The following ROBO2 variants were observed in gnomAD, a reference collection of about 807,000 sequenced individuals.
The protein encoded by ROBO2 is roundabout guidance receptor 2.
In ROBO2, 53 loss-of-function variants were observed where a neutral mutation model predicts 160.8. The ratio of observed to expected loss-of-function variants is 0.33; its 90% CI spans 0.26 to 0.41. ROBO2 has a LOEUF of 0.41. Among genes scored for constraint, ROBO2 ranks in the 10% least tolerant of loss-of-function variants. The pLI is 1.00. For synonymous variants in ROBO2, 664 were observed against 611.7 expected (o/e 1.09, Z -1.26); for missense variants, 1,577 against 1,722.4 (o/e 0.92, Z 1.49).
At chr3:76,885,481 TA>T (rs2073784633) in intron 2 of ROBO2, among the ~76,000 whole-genome samples, 1 of 152,216 alleles carries the variant, frequency 6.6e-6, no homozygotes, top group African/African-American at 2.4e-5. Flanking sequence ...TTATACGTTT[TA>T]TCATAATTTA....
At chr3:76,962,845 T>C (rs573683683) in intron 2 of ROBO2, among the ~76,000 whole-genome samples, 1 of 152,228 alleles carries the variant, frequency 6.6e-6, no homozygotes, top group Non-Finnish European at 1.5e-5. Context: ...GTAAAATGCA[T>C]TCTCTAGTCC....
At chr3:76,447,918 G>A (rs2109226233) in intron 2 of ROBO2, among the ~76,000 whole-genome samples, 1 of 149,170 alleles carries the variant, frequency 6.7e-6, no homozygotes, top group Non-Finnish European at 1.5e-5. Flanking sequence ...GGGAGGGATA[G>A]CATTAGGAGA....
intron 2 of ROBO2, among the ~76,000 whole-genome samples, chr3:75,992,598 G>A (rs1231823643): frequency 6.6e-6 from 1 of 152,156 alleles, no homozygotes; most frequent in Non-Finnish European, 1.5e-5. Context: ...TGGAGTTGGA[G>A]CCCCCACAGA....
chr3:77,291,158 G>C (rs1261314582), intron 2 of ROBO2, among the ~76,000 whole-genome samples: 2 of 150,596 alleles, frequency 1.3e-5, no homozygotes, highest in Non-Finnish European at 2.9e-5. Flanking sequence ...TAAACGGGAA[G>C]TTGAGGCTAG....
At chr3:77,013,730 T>C (rs2062055580) in intron 2 of ROBO2, among the ~76,000 whole-genome samples, 1 of 152,222 alleles carries the variant, frequency 6.6e-6, no homozygotes, top group African/African-American at 2.4e-5. Context: ...ACTATGAGTA[T>C]GCAAAACTAT....
intron 6 of ROBO2, among the ~76,000 whole-genome samples, chr3:77,539,860 G>T (rs1291829404): frequency 6.6e-6 from 1 of 152,154 alleles, no homozygotes. Context: ...GTCAGAGATT[G>T]TTCAGGTTAA....
At chr3:77,568,893 G>A (rs542507759) in intron 13 of ROBO2, among the ~76,000 whole-genome samples, 30 of 152,002 alleles carry the variant, frequency 2.0e-4, no homozygotes, top group South Asian at 8.3e-4. Context: ...TTTTATATGA[G>A]TACAATTGTG....
chr3:76,791,468 T>TTC (rs916954093), intron 2 of ROBO2, among the ~76,000 whole-genome samples: 4 of 148,806 alleles, frequency 2.7e-5, no homozygotes, highest in Admixed American at 1.3e-4. Flanking sequence ...TCTCTCTCTT[T>TTC]TCTCTCTCTC....
intron 2 of ROBO2, among the ~76,000 whole-genome samples, chr3:76,644,334 T>G (rs2090857597): frequency 6.6e-6 from 1 of 152,088 alleles, no homozygotes; most frequent in South Asian, 2.1e-4. Context: ...TAAAAAAGCC[T>G]ATAAACAAAC....
At chr3:76,725,153 A>G (rs2093530553) in intron 2 of ROBO2, among the ~76,000 whole-genome samples, 1 of 152,166 alleles carries the variant, frequency 6.6e-6, no homozygotes, top group South Asian at 2.1e-4. Flanking sequence ...TAGCGCCCAG[A>G]AGGCACTAAG....
At chr3:77,163,314 T>C (rs1023084797) in intron 2 of ROBO2, among the ~76,000 whole-genome samples, 3 of 152,236 alleles carry the variant, frequency 2.0e-5, no homozygotes, top group African/African-American at 4.8e-5. Context: ...AATCTATACA[T>C]AGATTTTACA....
At chr3:77,193,332 G>T (rs2150959154) in intron 2 of ROBO2, among the ~76,000 whole-genome samples, 1 of 152,002 alleles carries the variant, frequency 6.6e-6, no homozygotes, top group African/African-American at 2.4e-5. Context: ...CCAGGTTGTA[G>T]TGCAGTGGCT....
In ROBO2 at chr3:76,424,662, C is replaced by A. The variant is rs78784371; in HGVS notation, c.109+487060C>A. Among the ~76,000 whole-genome samples, 1,405 of 152,156 alleles carry A rather than the reference C, an allele frequency of 9.2e-3. 23 individuals are homozygous for A. The highest frequency in any genetic ancestry group is 0.032 in the African/African-American group (1,332 of 41,496). ...TTAGATCGTATATTAAGTGCTTTTA[C>A]CAGAAAAGTTAAAAAAGTAGGAGAG... On this transcript the variant is annotated intron_variant, in intron 2 of 26. Coordinates refer to the ROBO2 transcript ENST00000487694.
In ROBO2 at chr3:77,007,731, T is replaced by C. The variant is rs539444884; in HGVS notation, c.110-90283T>C. 2.0e-5 allele frequency among the ~76,000 whole-genome samples: 3 copies of C among 152,270 alleles called. No individual in the cohort carries two copies. The East Asian group carries it at 5.8e-4, about 29-fold the overall frequency. On this transcript the variant is annotated intron_variant, in intron 2 of 26. Transcript: ENST00000487694. ...TGTTTTCTGTTATTGAAAAGAATCC[T>C]GAAGTATCTCTGTACAAACATCTTT...
intron 2 of ROBO2, among the ~76,000 whole-genome samples, chr3:76,088,267 C>T (rs777644221): frequency 5.3e-5 from 8 of 152,040 alleles, no homozygotes; most frequent in Non-Finnish European, 1.0e-4. Context: ...CGTAAATCTA[C>T]TCTTATAATT....
intron 2 of ROBO2, among the ~76,000 whole-genome samples, chr3:76,561,931 A>G (rs1044837695): frequency 6.6e-6 from 1 of 152,108 alleles, no homozygotes; most frequent in African/African-American, 2.4e-5. Flanking sequence ...TCAGGACAAC[A>G]TGCATCCTTT....
intron 2 of ROBO2, among the ~76,000 whole-genome samples, chr3:76,150,351 ATCTG>A (rs139775825): frequency 6.6e-6 from 1 of 151,080 alleles, no homozygotes; most frequent in Non-Finnish European, 1.5e-5. Context: ...TAAAGCACAC[ATCTG>A]TCTAAAACAC....
At chr3:77,628,867 G>A (rs1176424985) in intron 23 of ROBO2, among the ~76,000 whole-genome samples, 2 of 152,190 alleles carry the variant, frequency 1.3e-5, no homozygotes, top group Non-Finnish European at 2.9e-5. Context: ...ATATGGCCAA[G>A]TATCTGTGGT....
chr3:77,351,564 C>G (rs978333735), intron 2 of ROBO2, among the ~76,000 whole-genome samples: 1 of 152,178 alleles, frequency 6.6e-6, no homozygotes, highest in Non-Finnish European at 1.5e-5. Flanking sequence ...TCGTAAGGTG[C>G]CTCACTACAG....
Sources: gnomAD v4.1 joint callset for allele counts (sites outside exome capture counted in the v4.1 genomes callset) on GRCh38, gnomAD v4.1.1 for gene constraint, MANE v1.5 for transcripts, NCBI Gene and HGNC (gene_info 2026-07-23, HGNC 2026-07-21) for gene names.